Variants in PCDHA7 observed in about 807,000 individuals in gnomAD.
PCDHA7 encodes the protein protocadherin alpha 7.
Under a neutral mutation model 57.2 loss-of-function variants are expected in PCDHA7, and 37 were observed. The observed-to-expected ratio is 0.65, with a 90% CI of 0.50 to 0.85. PCDHA7 has a LOEUF of 0.85. PCDHA7 is among the 40% of genes least tolerant of loss of function. PCDHA7 has a pLI of 0.00. For synonymous variants in PCDHA7, 553 were observed against 558.8 expected, an observed-to-expected ratio of 0.99 and a Z score of 0.15; for missense variants, 1,188 against 1,241.8, an observed-to-expected ratio of 0.96 and a Z score of 0.65.
At chr5:140,974,731 C>T (rs2096638633) in intron 1 of PCDHA7, among the ~76,000 whole-genome samples, 1 of 152,140 alleles carries the variant, frequency 6.6e-6, no homozygotes, top group Non-Finnish European at 1.5e-5. Context: ...GAACTCCTGT[C>T]TCCACCTTGG....
chr5:140,941,963 T>A (rs2093209364), intron 1 of PCDHA7, among the ~76,000 whole-genome samples: 1 of 152,230 alleles, frequency 6.6e-6, no homozygotes. Flanking sequence ...CAATAGTATC[T>A]TTACTTTCCC....
chr5:140,865,215 T>C (rs2048774441), intron 1 of PCDHA7: 1 of 152,214 alleles, frequency 6.6e-6, no homozygotes, highest in Admixed American at 6.5e-5. Flanking sequence ...TTGCTTTCTT[T>C]AAAGGGATCC....
chr5:140,921,631 T>C (rs1435281144), intron 1 of PCDHA7, among the ~76,000 whole-genome samples: 2 of 152,206 alleles, frequency 1.3e-5, no homozygotes, highest in Non-Finnish European at 2.9e-5. Flanking sequence ...ATCATCATTA[T>C]GGTAGCTATT....
chr5:140,853,046 T>G (rs546337330), intron 1 of PCDHA7: 2 of 266,574 alleles, frequency 7.5e-6, no homozygotes, highest in Non-Finnish European at 1.2e-5. Flanking sequence ...GCCCGCCTAA[T>G]TTTTTTGTAT....
intron 3 of PCDHA7, among the ~76,000 whole-genome samples, chr5:140,989,765 C>G (rs2097359812): frequency 6.6e-6 from 1 of 152,286 alleles, no homozygotes. Context: ...ATATTCAGTT[C>G]AAGCACTGGC....
chr5:140,999,132 T>C (rs1430473415), intron 3 of PCDHA7, among the ~76,000 whole-genome samples: 2 of 152,160 alleles, frequency 1.3e-5, no homozygotes, highest in Non-Finnish European at 2.9e-5. Flanking sequence ...CTGGAAAATG[T>C]CACAGCCGGA....
intron 1 of PCDHA7, chr5:140,967,145 A>C: frequency 1.2e-6 from 2 of 1,610,892 alleles, no homozygotes; most frequent in Non-Finnish European, 8.5e-7. Context: ...GCTGGCGCAC[A>C]ACCCCGTGGC....
In PCDHA7 at chr5:141,010,195, C is replaced by G. The variant is rs753472247; in HGVS notation, c.*258C>G. 6.4e-7 allele frequency: 1 copy of G among 1,552,256 alleles called. No homozygotes were observed. The highest frequency in any genetic ancestry group is 8.7e-7 in the Non-Finnish European group (1 of 1,147,132). Reference sequence around the variant, plus strand: ...TAAAAAGCAGACCCAAGTTTCCTTTCTCCTCCGCCGCAAAGGAGAGGCTTC... The same window carrying G: ...TAAAAAGCAGACCCAAGTTTCCTTTGTCCTCCGCCGCAAAGGAGAGGCTTC... On this transcript the variant is annotated 3_prime_UTR_variant, in exon 4 of 4. Coordinates refer to ENST00000525929, the MANE Select transcript of PCDHA7 (RefSeq NM_018910.3).
At chr5:140,876,577 A>G (rs1554168681) in intron 1 of PCDHA7, 2 of 1,614,182 alleles carry the variant, frequency 1.2e-6, no homozygotes, top group Non-Finnish European at 1.7e-6. Context: ...GGGTACCGTC[A>G]TTGCCCTGAT....
chr5:140,877,515 G>T (rs371100299), intron 1 of PCDHA7: 1 of 1,613,678 alleles, frequency 6.2e-7, no homozygotes, highest in African/African-American at 1.3e-5. Flanking sequence ...CGTCGTCGCG[G>T]GCCTCAGTGG....
chr5:140,866,460 A>G (rs2049371963), intron 1 of PCDHA7: 1 of 152,148 alleles, frequency 6.6e-6, no homozygotes, highest in Non-Finnish European at 1.5e-5. Context: ...TTGGCTGGGA[A>G]GCTCATAACA....
At chr5:140,997,897 A>C (rs13175095) in intron 3 of PCDHA7, among the ~76,000 whole-genome samples, 9,880 of 152,266 alleles carry the variant, frequency 0.065, 363 homozygotes, top group East Asian at 0.12. Flanking sequence ...GATAAATTTC[A>C]AGAAGTAGAA....
At chr5:141,001,822 TGACAGAGAGGGA>T (rs541215764) in intron 3 of PCDHA7, among the ~76,000 whole-genome samples, 203 of 152,310 alleles carry the variant, frequency 1.3e-3, no homozygotes, top group African/African-American at 4.5e-3. Context: ...GGCCAAATTC[TGACAGAGAGGGA>T]GACAGAGAGA....
intron 3 of PCDHA7, among the ~76,000 whole-genome samples, chr5:140,988,486 T>C (rs2153874124): frequency 6.6e-6 from 1 of 152,286 alleles, no homozygotes; most frequent in South Asian, 2.1e-4. Context: ...TAGCATCCCC[T>C]ACCTAGGAGA....
chr5:140,873,012 T>G (rs542650049), intron 1 of PCDHA7, among the ~76,000 whole-genome samples: 1 of 152,192 alleles, frequency 6.6e-6, no homozygotes. Context: ...TTCTTCATAT[T>G]TAGTTATTCT....
intron 1 of PCDHA7, chr5:140,929,578 TA>T: frequency 2.2e-6 from 1 of 445,404 alleles, no homozygotes; most frequent in Non-Finnish European, 4.0e-6. Flanking sequence ...ATAAAAGTAA[TA>T]TGACATAAAG....
intron 3 of PCDHA7, among the ~76,000 whole-genome samples, chr5:141,007,590 GATA>G (rs1332143320): frequency 4.0e-5 from 6 of 151,858 alleles, no homozygotes; most frequent in Non-Finnish European, 8.8e-5. Context: ...TAATAATCAT[GATA>G]ATAATAAAAG....
intron 1 of PCDHA7, chr5:140,876,818 A>G: frequency 6.2e-7 from 1 of 1,614,158 alleles, no homozygotes; most frequent in Non-Finnish European, 8.5e-7. Flanking sequence ...GCCGACGTGA[A>G]CGACAATGCG....
At chr5:140,946,516 C>T (rs551838143) in intron 1 of PCDHA7, among the ~76,000 whole-genome samples, 42 of 151,130 alleles carry the variant, frequency 2.8e-4, no homozygotes, top group African/African-American at 8.3e-4. Flanking sequence ...AAGACCTATC[C>T]GCACTCCCAT....
Sources: gnomAD v4.1 joint callset for allele counts (sites outside exome capture counted in the v4.1 genomes callset) on GRCh38, gnomAD v4.1.1 for gene constraint, MANE v1.5 for transcripts, NCBI Gene and HGNC (gene_info 2026-07-23, HGNC 2026-07-21) for gene names.